MYO6: variants seen among roughly 807,000 people sequenced by gnomAD.
MYO6 encodes the protein unconventional myosin-VI.
A neutral mutation model predicts 178.7 loss-of-function variants in MYO6; 74 were observed. That is an observed-to-expected ratio of 0.41 (90% CI 0.34 to 0.50). MYO6 has a LOEUF of 0.50. MYO6 is among the 20% of genes least tolerant of loss of function. The pLI is 0.09. For missense variants in MYO6, 1,330 were observed against 1,547.4 expected (o/e 0.86, Z 2.36); for synonymous variants, 477 against 504.6 (o/e 0.95, Z 0.73).
At position 75,758,394 on chromosome 6, in the gene MYO6, G is replaced by T. The variant is rs192988016; in HGVS notation, c.-48+8971G>T. ...AAGCTTATTTGGGGCTTATAGCATT[G>T]TATGGAGAAGACAATGCAGTGTTAA... On this transcript the variant is annotated intron_variant, in intron 1 of 34. Coordinates refer to ENST00000369977, the MANE Select transcript of MYO6 (RefSeq NM_004999.4). 4.2e-3 allele frequency among the ~76,000 whole-genome samples: 632 copies of T among 152,188 alleles called. 2 individuals carry two copies. The highest frequency in any genetic ancestry group is 7.2e-3 in the Non-Finnish European group (487 of 68,014).
At chr6:75,825,985 A>C (rs1772428342) in intron 3 of MYO6, among the ~76,000 whole-genome samples, 1 of 152,182 alleles carries the variant, frequency 6.6e-6, no homozygotes, top group Non-Finnish European at 1.5e-5. Flanking sequence ...ATCTGTTAAT[A>C]ATTAGGCATA....
chr6:75,753,865 G>A (rs181393737), intron 1 of MYO6, among the ~76,000 whole-genome samples: 4 of 152,178 alleles, frequency 2.6e-5, no homozygotes, highest in South Asian at 2.1e-4. Context: ...ATTTTGCAAC[G>A]TCTTTCTAGT....
intron 20 of MYO6, among the ~76,000 whole-genome samples, chr6:75,873,907 C>CATG (rs1187694762): frequency 1.3e-5 from 2 of 152,198 alleles, no homozygotes; most frequent in African/African-American, 2.4e-5. Flanking sequence ...CTTGCTCAGG[C>CATG]ACCAGGCTTG....
chr6:75,828,313 TTGAAAATTCA>T (rs1420494536), intron 3 of MYO6, among the ~76,000 whole-genome samples: 15 of 152,194 alleles, frequency 9.9e-5, no homozygotes, highest in African/African-American at 3.6e-4. Context: ...ACTCTTTTAG[TTGAAAATTCA>T]TTACTTAAAA....
At chr6:75,852,619 G>T (rs1775382458) in intron 11 of MYO6, among the ~76,000 whole-genome samples, 1 of 152,024 alleles carries the variant, frequency 6.6e-6, no homozygotes, top group African/African-American at 2.4e-5. Context: ...TTTGTGATTG[G>T]CTTCTTTCAC....
Position 75,848,551 on chromosome 6 carries a change from A to G in MYO6, c.1078+20A>G. On this transcript the variant is annotated intron_variant, in intron 11 of 34. Transcript: ENST00000369977. ...CTTCAGGTTTGCTTTTTATTTTTTTAAGAGGAAAAAAATTAAATAGAATTT... is the reference window on the plus strand; with the variant it reads ...CTTCAGGTTTGCTTTTTATTTTTTTGAGAGGAAAAAAATTAAATAGAATTT... 4 of 1,576,330 alleles carry G rather than the reference A, an allele frequency of 2.5e-6. No individual in the cohort carries two copies. The highest frequency in any genetic ancestry group is 3.5e-6 in the Non-Finnish European group (4 of 1,152,538).
At chr6:75,811,036 C>T (rs1388828845) in intron 1 of MYO6, among the ~76,000 whole-genome samples, 3 of 150,770 alleles carry the variant, frequency 2.0e-5, no homozygotes, top group East Asian at 1.9e-4. Context: ...TTTTGGCATA[C>T]CCATAATTGT....
chr6:75,810,962 G>C (rs1770638120), intron 1 of MYO6, among the ~76,000 whole-genome samples: 2 of 152,104 alleles, frequency 1.3e-5, no homozygotes, highest in African/African-American at 4.8e-5. Flanking sequence ...ACCTATGATT[G>C]TGCCATTGCA....
chr6:75,861,745 A>T (rs946830034), intron 15 of MYO6, among the ~76,000 whole-genome samples: 1 of 152,232 alleles, frequency 6.6e-6, no homozygotes, highest in Non-Finnish European at 1.5e-5. Context: ...TTTGAAAAAC[A>T]TAGTATAATA....
Position 75,828,548 on chromosome 6 carries a change from A to G in MYO6, c.196A>G (p.Met66Val). 6.4e-7 allele frequency: 1 copy of G among 1,550,926 alleles called. No homozygotes were observed. The highest frequency in any genetic ancestry group is 1.1e-5 in the South Asian group (1 of 89,638). Residue 66 changes from methionine (M) to valine (V), a missense_variant, in exon 4 of 35, where the codon ATG (methionine) becomes GTG (valine). Physicochemically the swap from Met to Val is conservative, Grantham distance 21. Transcript: ENST00000369977. ...TAAATTTTATGTCTTAGGTTCACTAATGTATTTAAATGAAGCCACACTGCT... is the reference window on the plus strand; with the variant it reads ...TAAATTTTATGTCTTAGGTTCACTAGTGTATTTAAATGAAGCCACACTGCT... ...KKDVEDNCSL[M>V]YLNEATLLHN...
intron 1 of MYO6, among the ~76,000 whole-genome samples, chr6:75,815,636 T>C (rs548435989): frequency 9.8e-4 from 149 of 152,384 alleles, no homozygotes; most frequent in African/African-American, 3.4e-3. Context: ...TGATAGCGTT[T>C]GCTGGATAGG....
intron 30 of MYO6, among the ~76,000 whole-genome samples, chr6:75,900,624 T>A (rs1471649148): frequency 6.6e-6 from 1 of 152,236 alleles, no homozygotes; most frequent in East Asian, 1.9e-4. Context: ...TTGTAGATTC[T>A]GGATATTAGC....
intron 1 of MYO6, among the ~76,000 whole-genome samples, chr6:75,753,700 T>C (rs151053282): frequency 9.9e-5 from 15 of 152,092 alleles, no homozygotes; most frequent in Non-Finnish European, 1.5e-4. Context: ...TGAGCTCAGA[T>C]AGTGTGCTGC....
At chr6:75,843,547 C>T (rs1774444485) in intron 9 of MYO6, among the ~76,000 whole-genome samples, 1 of 152,066 alleles carries the variant, frequency 6.6e-6, no homozygotes, top group Non-Finnish European at 1.5e-5. Context: ...TAATATTAGG[C>T]CCCACTGTCC....
At chr6:75,805,948 A>T (rs1770032174) in intron 1 of MYO6, among the ~76,000 whole-genome samples, 1 of 152,274 alleles carries the variant, frequency 6.6e-6, no homozygotes, top group African/African-American at 2.4e-5. Context: ...ATATGCAAAC[A>T]TGTTTAGTTA....
intron 11 of MYO6, among the ~76,000 whole-genome samples, chr6:75,854,466 A>G (rs1187222321): frequency 2.0e-5 from 3 of 151,974 alleles, no homozygotes; most frequent in African/African-American, 7.2e-5. Flanking sequence ...GTATACATGT[A>G]TATTAGTGTG....
chr6:75,795,874 A>T (rs1768764780), intron 1 of MYO6, among the ~76,000 whole-genome samples: 1 of 152,236 alleles, frequency 6.6e-6, no homozygotes, highest in African/African-American at 2.4e-5. Context: ...GAACAGTCAG[A>T]AAAATCTAGT....
rs71002762 is a variant in MYO6 at position 75,765,170 on chromosome 6, C to CTTT, written c.-48+15769_-48+15771dup. 3.3e-3 allele frequency among the ~76,000 whole-genome samples: 192 copies of CTTT among 57,704 alleles called. 2 individuals carry two copies. Among genetic ancestry groups the CTTT allele is most frequent in the Non-Finnish European group, 4.1e-3 (143 of 34,498 alleles). The allele number at this position is 57,704 out of a possible 152,430, so 37.9% of individuals were successfully genotyped here. On this transcript the variant is annotated intron_variant, in intron 1 of 34. Transcript: ENST00000369977. ...ATAAGGCTATGACTAAAAAAAAAAG[C>CTTT]TTTTTTTTTTTTTTTTTTTTTTTTG...
chr6:75,755,110 A>ATAG (rs765497423), intron 1 of MYO6, among the ~76,000 whole-genome samples: 26 of 152,150 alleles, frequency 1.7e-4, no homozygotes, highest in South Asian at 1.0e-3. Context: ...GTGCACGCCT[A>ATAG]TAGTGCTAGC....
Sources: allele counts gnomAD v4.1 joint callset (sites outside exome capture counted in the v4.1 genomes callset), GRCh38; gene constraint gnomAD v4.1.1; transcripts MANE v1.5; gene names NCBI Gene and HGNC (gene_info 2026-07-23, HGNC 2026-07-21).